The following TBC1D21 variants were observed in gnomAD, a reference collection of about 807,000 sequenced individuals.
The protein encoded by TBC1D21 is TBC1 domain family member 21.
Under a neutral mutation model 46.0 loss-of-function variants are expected in TBC1D21, and 38 were observed. The ratio of observed to expected loss-of-function variants is 0.83; its 90% confidence interval spans 0.64 to 1.08. The LOEUF (loss-of-function observed/expected upper bound fraction) is 1.08, where lower values mean the gene tolerates loss of function less well. TBC1D21 is among the 50% of genes least tolerant of loss of function. The probability of loss-of-function intolerance (pLI) is 0.00; values close to 1 mark genes in which losing one functional copy is unlikely to be tolerated. For synonymous variants in TBC1D21, 151 were observed against 157.2 expected, an observed-to-expected ratio of 0.96 and a Z score of 0.29; for missense variants, 415 against 417.9, an observed-to-expected ratio of 0.99 and a Z score of 0.06.
intron 7 of TBC1D21, 60 bp from the exon 8 acceptor site, chr15:73,886,452 T>G: frequency 6.7e-7 from 1 of 1,483,316 alleles, no homozygotes; most frequent in Non-Finnish European, 9.4e-7. Flanking sequence ...CTCATCTGCA[T>G]GTGTTTGCTG....
chr15:73,883,893 T>C (rs2068197149), intron 3 of TBC1D21, among the ~76,000 whole-genome samples: 1 of 152,210 alleles, frequency 6.6e-6, no homozygotes, highest in South Asian at 2.1e-4. Context: ...TATTAAGATG[T>C]AGAGCCAGGA....
the TBC1D21 span, among the ~76,000 whole-genome samples, chr15:73,896,845 C>T: frequency 3.3e-5 from 5 of 152,216 alleles, no homozygotes; most frequent in African/African-American, 1.2e-4. Context: ...TCAGTTTCCC[C>T]CTCTGAAATG....
chr15:73,886,416 G>A, intron 7 of TBC1D21, 96 bp from the exon 8 acceptor site: 1 of 1,153,272 alleles, frequency 8.7e-7, no homozygotes, highest in Non-Finnish European at 1.3e-6. Context: ...TATTTCCCAA[G>A]TGTTTTGCAG....
chr15:73,888,011 T>C (rs995315179), intron 9 of TBC1D21, among the ~76,000 whole-genome samples: 2 of 152,156 alleles, frequency 1.3e-5, no homozygotes, highest in Admixed American at 1.3e-4. Flanking sequence ...CCTTGAACAC[T>C]CCCTAACTAT....
chr15:73,886,049 C>T (rs772629260), intron 6 of TBC1D21, 29 bp from the exon 7 acceptor site: 4 of 1,601,876 alleles, frequency 2.5e-6, no homozygotes, highest in Non-Finnish European at 3.4e-6. Flanking sequence ...CCAAGGGGGA[C>T]TCAGTCTGTC....
Position 73,880,703 on chromosome 15 carries a change from A to G in TBC1D21, c.61-696A>G, listed in dbSNP as rs1030183008. 2.6e-5 allele frequency among the ~76,000 whole-genome samples: 4 copies of G among 152,158 alleles called. 1 individual carries two copies. The highest frequency in any genetic ancestry group is 4.1e-4 in the South Asian group (2 of 4,830). Reference sequence around the variant, plus strand: ...GGAGAATCGCTTGAACCTGGGAGGCAGAGGTTGCAGTGAGCCGAGATCCAC... The same window carrying G: ...GGAGAATCGCTTGAACCTGGGAGGCGGAGGTTGCAGTGAGCCGAGATCCAC... On this transcript the variant is annotated intron_variant, in intron 1 of 10. Transcript: ENST00000300504.
the TBC1D21 span, among the ~76,000 whole-genome samples, chr15:73,896,956 A>G: frequency 2.0e-5 from 3 of 152,206 alleles, no homozygotes; most frequent in Admixed American, 2.0e-4. Context: ...GGTGATGTCA[A>G]GATGTCAAGA....
chr15:73,905,135 C>T, the TBC1D21 span, among the ~76,000 whole-genome samples: 6 of 152,176 alleles, frequency 3.9e-5, no homozygotes, highest in Non-Finnish European at 7.3e-5. Flanking sequence ...TAGGACAAGG[C>T]CTCCCACGCC....
downstream of TBC1D21, chr15:73,889,276 C>T: frequency 2.8e-6 from 2 of 705,826 alleles, no homozygotes; most frequent in Non-Finnish European, 4.7e-6. Flanking sequence ...AGGGCTGAGA[C>T]AGGGTCGTAC....
chr15:73,883,454 G>A (rs2068188911), intron 3 of TBC1D21, among the ~76,000 whole-genome samples: 1 of 152,226 alleles, frequency 6.6e-6, no homozygotes, highest in African/African-American at 2.4e-5. Context: ...CCCAGCTTGT[G>A]TGGCTCCCGG....
intron 6 of TBC1D21, among the ~76,000 whole-genome samples, chr15:73,885,653 C>G (rs1458183109): frequency 1.3e-5 from 2 of 151,520 alleles, no homozygotes; most frequent in Non-Finnish European, 2.9e-5. Flanking sequence ...TGCCCAGAAC[C>G]CTCCCTCATC....
At chr15:73,884,347 G>A in intron 4 of TBC1D21, 102 bp downstream of exon 4, 2 of 1,125,702 alleles carry the variant, frequency 1.8e-6, no homozygotes, top group East Asian at 2.4e-5. Flanking sequence ...CAGGATCCTG[G>A]GAGTTGCTTT....
chr15:73,878,746 T>C (rs768325134), intron 1 of TBC1D21, among the ~76,000 whole-genome samples: 1 of 152,238 alleles, frequency 6.6e-6, no homozygotes, highest in African/African-American at 2.4e-5. Flanking sequence ...GCCTTTATTA[T>C]AGAAATGGAC....
the TBC1D21 span, among the ~76,000 whole-genome samples, chr15:73,898,900 TATAC>T: frequency 3.3e-4 from 43 of 129,000 alleles, 1 homozygote; most frequent in African/African-American, 1.2e-3. Flanking sequence ...TATATATATA[TATAC>T]ACACACACTC....
chr15:73,898,880 A>AAAAAATATATATAT, the TBC1D21 span, among the ~76,000 whole-genome samples: 5 of 56,802 alleles, frequency 8.8e-5, no homozygotes, highest in African/African-American at 2.7e-4. Context: ...AAAAAAAAAA[A>AAAAAATATATATAT]ATATATATAT....
Position 73,887,705 on chromosome 15 carries a change from A to C in TBC1D21, c.863A>C (p.Gln288Pro). 6.2e-7 allele frequency: 1 copy of C among 1,613,860 alleles called. No individual in the cohort carries two copies. Among genetic ancestry groups the C allele is most frequent in the Non-Finnish European group, 8.5e-7 (1 of 1,179,864 alleles). Residue 288 changes from glutamine to proline, a missense_variant, in exon 9 of 11, where the codon CAG becomes CCG. Coordinates refer to ENST00000300504, the MANE Select transcript of TBC1D21 (RefSeq NM_153356.3). ...MLQMVREQVLQESMGGDDILL... is the reference protein window; with the variant it reads ...MLQMVREQVLPESMGGDDILL... ...CAGATGGTGCGGGAGCAGGTGCTGC[A>C]GGAAAGCATGGGCGGGGATGACATC...
chr15:73,884,139 C>G lies in TBC1D21; in HGVS notation c.273-12C>G. The stretch of plus-strand genomic sequence containing the variant: ...AAAGCCACCTTGTTCAGCCTCAGTT[C>G]TGTTCTCACAGGAAGAACTACAAGG... On this transcript the variant is annotated splice_polypyrimidine_tract_variant and intron_variant, in intron 3 of 10. Transcript: ENST00000300504. The G allele has an allele frequency of 1.2e-6, 2 of 1,610,964 alleles. No homozygotes were observed. Among genetic ancestry groups the G allele is most frequent in the Non-Finnish European group, 1.7e-6 (2 of 1,177,146 alleles).
At chr15:73,901,346 C>T in the TBC1D21 span, among the ~76,000 whole-genome samples, 1 of 152,230 alleles carries the variant, frequency 6.6e-6, no homozygotes, top group Non-Finnish European at 1.5e-5. Context: ...CACCACAGCC[C>T]TGGAGCTTCC....
intron 1 of TBC1D21, among the ~76,000 whole-genome samples, chr15:73,876,839 T>C (rs1362554496): frequency 6.6e-6 from 1 of 152,252 alleles, no homozygotes; most frequent in African/African-American, 2.4e-5. Flanking sequence ...ATTTCTTTTG[T>C]TCACAGCTTG....
Sources: gnomAD v4.1 joint callset for allele counts (sites outside exome capture counted in the v4.1 genomes callset) on GRCh38, gnomAD v4.1.1 for gene constraint, MANE v1.5 for transcripts, NCBI Gene and HGNC (gene_info 2026-07-23, HGNC 2026-07-21) for gene names.